SYT14: variants seen among roughly 807,000 people sequenced by gnomAD.
SYT14 encodes synaptotagmin-14.
SYT14 carries 32 observed loss-of-function variants against 74.2 expected under a neutral mutation model. That is an observed-to-expected ratio of 0.43 (90% CI 0.33 to 0.58). The LOEUF is 0.58. Ranked by LOEUF, SYT14 falls within the 20% of genes least tolerant of loss-of-function variation. The pLI is 0.05. For missense variants in SYT14, 791 were observed against 981.8 expected (o/e 0.81, Z 2.60); for synonymous variants, 298 against 337.7 (o/e 0.88, Z 1.29).
At chr1:210,047,647 T>C (rs941707466) in intron 5 of SYT14, among the ~76,000 whole-genome samples, 1 of 152,196 alleles carries the variant, frequency 6.6e-6, no homozygotes, top group African/African-American at 2.4e-5. Flanking sequence ...TCTGCCTGCC[T>C]TGGCCACCCA....
At position 210,131,329 on chromosome 1, in the gene SYT14, G is replaced by T. The variant is rs180715062; in HGVS notation, c.2035-24392G>T. Among the ~76,000 whole-genome samples, 5 of 152,058 alleles carry T rather than the reference G, an allele frequency of 3.3e-5. No individual in the cohort carries two copies. In the East Asian group the frequency reaches 9.7e-4, roughly 29 times the overall value. On this transcript the variant is annotated intron_variant, in intron 7 of 9. Transcript: ENST00000637265. Reference sequence around the variant, plus strand: ...TCCATTTTGTCCCTCTGAACGTCTTGCATGAGTAATTTTAAAAAATTTTCT... The same window carrying T: ...TCCATTTTGTCCCTCTGAACGTCTTTCATGAGTAATTTTAAAAAATTTTCT...
chr1:210,040,286 C>T (rs950678788), intron 5 of SYT14, among the ~76,000 whole-genome samples: 3 of 152,074 alleles, frequency 2.0e-5, no homozygotes, highest in African/African-American at 4.8e-5. Context: ...CCAAACACAG[C>T]ATGTTCTCAC....
At chr1:210,010,632 T>C (rs1340140061) in intron 2 of SYT14, among the ~76,000 whole-genome samples, 1 of 152,210 alleles carries the variant, frequency 6.6e-6, no homozygotes, top group Non-Finnish European at 1.5e-5. Flanking sequence ...TTACTGTATG[T>C]TATACTTACT....
intron 5 of SYT14, among the ~76,000 whole-genome samples, chr1:210,081,749 T>G (rs1558176604): frequency 6.6e-6 from 1 of 152,196 alleles, no homozygotes; most frequent in Non-Finnish European, 1.5e-5. Context: ...ATAAGCATCA[T>G]GAACTACCCA....
At position 210,089,207 on chromosome 1, in the gene SYT14, A is replaced by T. The variant is rs193246038; in HGVS notation, c.1313-5115A>T. 2.6e-5 allele frequency among the ~76,000 whole-genome samples: 4 copies of T among 152,178 alleles called. No individual in the cohort carries two copies. The East Asian group carries it at 7.7e-4, about 29-fold the overall frequency. ...ATCCATGTCCCTGCAAAGGACATGAACTCATCCTTTTCTATGGCTGCATAG... is the reference window on the plus strand; with the variant it reads ...ATCCATGTCCCTGCAAAGGACATGATCTCATCCTTTTCTATGGCTGCATAG... On this transcript the variant is annotated intron_variant, in intron 5 of 9. Transcript: ENST00000637265.
At chr1:210,149,138 GTATA>G in intron 7 of SYT14, among the ~76,000 whole-genome samples, 1 of 149,172 alleles carries the variant, frequency 6.7e-6, no homozygotes, top group Non-Finnish European at 1.5e-5. Context: ...AAGTGCATAT[GTATA>G]TATACATACA....
Position 210,025,675 on chromosome 1 carries a change from G to C in SYT14, c.1312+4421G>C, listed in dbSNP as rs563945055. ...GAGGTATTAGGAGAGACCAGTGCAA[G>C]AGAACTTTTACCAGGTAGCGAGTAC... On this transcript the variant is annotated intron_variant, in intron 5 of 9. Coordinates refer to ENST00000637265, the Ensembl canonical transcript of SYT14. 1.4e-3 allele frequency among the ~76,000 whole-genome samples: 216 copies of C among 152,202 alleles called. 1 individual carries two copies. The highest frequency in any genetic ancestry group is 4.8e-3 in the African/African-American group (200 of 41,530).
intron 2 of SYT14, among the ~76,000 whole-genome samples, chr1:209,973,660 G>A (rs1173325619): frequency 1.3e-4 from 20 of 152,228 alleles, no homozygotes; most frequent in East Asian, 7.7e-4. Context: ...GAATAGTGCC[G>A]CTATAAACAT....
At chr1:210,086,701 TCTC>T (rs1572274562) in intron 5 of SYT14, among the ~76,000 whole-genome samples, 1 of 152,120 alleles carries the variant, frequency 6.6e-6, no homozygotes, top group East Asian at 1.9e-4. Flanking sequence ...TGGTCACAAA[TCTC>T]CTCAGTGAGC....
Position 210,163,312 on chromosome 1 carries a change from AG to A in SYT14, c.*2273del, listed in dbSNP as rs560027013. 3.0e-4 allele frequency: 134 copies of A among 453,722 alleles called. 1 individual carries two copies. In the East Asian group the frequency reaches 8.8e-3, roughly 30 times the overall value. The allele number at this position is 453,722 out of a possible 1,614,324, so 28.1% of individuals were successfully genotyped here. ...TGTGTGTGTGATTTGATACATCCCT[AG>A]GGATTTATCTGGCATAAGTATCAAA... On this transcript the variant is annotated 3_prime_UTR_variant, in exon 10 of 10. Coordinates refer to ENST00000637265, the Ensembl canonical transcript of SYT14.
chr1:210,113,839 T>C (rs924494639), intron 7 of SYT14, among the ~76,000 whole-genome samples: 1 of 151,212 alleles, frequency 6.6e-6, no homozygotes, highest in Non-Finnish European at 1.5e-5. Flanking sequence ...CATAAAAGAA[T>C]GTTGTCCAAG....
intron 2 of SYT14, among the ~76,000 whole-genome samples, chr1:209,990,425 TA>T (rs1016900916): frequency 1.7e-4 from 26 of 150,586 alleles, no homozygotes; most frequent in African/African-American, 6.3e-4. Context: ...CCTTCCTTTT[TA>T]AAAATCTCAC....
chr1:210,117,218 G>C (rs560981336), intron 7 of SYT14, among the ~76,000 whole-genome samples: 1 of 152,044 alleles, frequency 6.6e-6, no homozygotes, highest in African/African-American at 2.4e-5. Flanking sequence ...TATGTTAATG[G>C]ATTAAATCAC....
At chr1:210,126,529 G>A (rs946702118) in intron 7 of SYT14, among the ~76,000 whole-genome samples, 4 of 152,228 alleles carry the variant, frequency 2.6e-5, no homozygotes, top group Admixed American at 2.0e-4. Context: ...GTCTGGGATT[G>A]TTGATAGAAC....
In SYT14 at chr1:210,065,555, T is replaced by C. The variant is rs1368100524; in HGVS notation, c.1313-28767T>C. On this transcript the variant is annotated intron_variant, in intron 5 of 9. Coordinates refer to ENST00000637265, the Ensembl canonical transcript of SYT14. ...CTCAGGTATGTCTTTTTTTTTTAAGTTTTATTTAAATTTTTATTTAAAATT... is the reference window on the plus strand; with the variant it reads ...CTCAGGTATGTCTTTTTTTTTTAAGCTTTATTTAAATTTTTATTTAAAATT... Among the ~76,000 whole-genome samples, 7 of 151,794 alleles carry C rather than the reference T, an allele frequency of 4.6e-5. No individual in the cohort carries two copies. The East Asian group carries it at 1.3e-3, about 29-fold the overall frequency.
chr1:209,986,577 C>T (rs1038417347), intron 2 of SYT14, among the ~76,000 whole-genome samples: 2 of 151,750 alleles, frequency 1.3e-5, no homozygotes, highest in African/African-American at 2.4e-5. Flanking sequence ...TGCGCCATTG[C>T]ACTCCAGCCT....
intron 7 of SYT14, among the ~76,000 whole-genome samples, chr1:210,149,048 T>C (rs139046846): frequency 1.3e-5 from 2 of 152,186 alleles, no homozygotes; most frequent in East Asian, 1.9e-4. Context: ...AAGAAACTTA[T>C]AAACTTTATA....
chr1:210,154,589 T>G (rs1336714494), intron 7 of SYT14, among the ~76,000 whole-genome samples: 2 of 152,192 alleles, frequency 1.3e-5, no homozygotes, highest in African/African-American at 4.8e-5. Flanking sequence ...CTGATCATTG[T>G]TATTCGTCCC....
chr1:210,030,050 CATT>C (rs2080496700), intron 5 of SYT14, among the ~76,000 whole-genome samples: 1 of 151,990 alleles, frequency 6.6e-6, no homozygotes, highest in African/African-American at 2.4e-5. Context: ...TCAGATTGTT[CATT>C]ATTAGTGTAT....
Sources: allele counts gnomAD v4.1 joint callset (sites outside exome capture counted in the v4.1 genomes callset), GRCh38; gene constraint gnomAD v4.1.1; transcripts MANE v1.5; gene names NCBI Gene and HGNC (gene_info 2026-07-23, HGNC 2026-07-21).